The following STAT5A variants were observed in gnomAD, a reference collection of about 807,000 sequenced individuals.
STAT5A encodes signal transducer and activator of transcription 5A, also known as epididymis secretory sperm binding protein.
Under a neutral mutation model 100.2 loss-of-function variants are expected in STAT5A, and 26 were observed. That is an observed-to-expected ratio of 0.26 (90% CI 0.19 to 0.36). STAT5A has a LOEUF of 0.36. Among genes scored for constraint, STAT5A ranks in the 10% least tolerant of loss-of-function variants. The pLI, the probability that STAT5A is intolerant of heterozygous loss-of-function variation, is 1.00. For missense variants in STAT5A, 634 were observed against 1,027.5 expected, an observed-to-expected ratio of 0.62 and a Z score of 5.24; for synonymous variants, 330 against 424.3, an observed-to-expected ratio of 0.78 and a Z score of 2.73.
intron 12 of STAT5A, 106 bp from the exon 13 acceptor site, chr17:42,306,135 A>T (rs1338512437): frequency 6.4e-7 from 1 of 1,566,086 alleles, no homozygotes; most frequent in Non-Finnish European, 8.7e-7. Context: ...ACCTTTCTGG[A>T]TCTGTCTCAG....
chr17:42,293,366 G>A (rs542441786), intron 4 of STAT5A, among the ~76,000 whole-genome samples: 45 of 152,086 alleles, frequency 3.0e-4, no homozygotes, highest in Admixed American at 1.9e-3. Context: ...CACCATGCCC[G>A]GCTAATTTTT....
At chr17:42,301,520 C>T in intron 9 of STAT5A, 66 bp downstream of exon 9, 2 of 1,590,678 alleles carry the variant, frequency 1.3e-6, no homozygotes, top group African/African-American at 2.7e-5. Flanking sequence ...CCCGCTTTGT[C>T]CTTGCATCCA....
At chr17:42,295,523 T>G in intron 4 of STAT5A, 96 bp from the exon 5 acceptor site, 1 of 1,336,318 alleles carries the variant, frequency 7.5e-7, no homozygotes, top group Non-Finnish European at 1.0e-6. Flanking sequence ...AGTTTGGGGT[T>G]TGGGGTTTGG....
chr17:42,306,109 C>T, intron 12 of STAT5A, 132 bp from the exon 13 acceptor site: 1 of 1,487,100 alleles, frequency 6.7e-7, no homozygotes, highest in Non-Finnish European at 9.1e-7. Context: ...GCATTTCCTG[C>T]CCTTGCATTT....
intron 3 of STAT5A, among the ~76,000 whole-genome samples, chr17:42,291,141 T>C (rs989507304): frequency 1.3e-5 from 2 of 152,198 alleles, no homozygotes; most frequent in Non-Finnish European, 2.9e-5. Context: ...TAGATTCTCT[T>C]AAGAAGTGCA....
chr17:42,295,484 C>A lies in STAT5A; in HGVS notation c.376-135C>A, dbSNP rs1184839634. 3 of 880,408 alleles carry A rather than the reference C, an allele frequency of 3.4e-6. No individual in the cohort carries two copies. The East Asian group carries it at 8.0e-5, about 23-fold the overall frequency. 54.5% of individuals were successfully genotyped at this position (880,408 alleles called of 1,614,324 possible). A position where few individuals can be genotyped will look rare whatever the true frequency, so the allele number is the denominator to read the frequency against. On this transcript the variant is annotated intron_variant, in intron 4 of 18. Coordinates refer to ENST00000590949, the MANE Select transcript of STAT5A (RefSeq NM_001288718.2). ...CTCCTTCTGATGCAAATGATCCTTC[C>A]TTCTTGCCCTAGTTTCCCTTCTTAC...
chr17:42,306,035 C>G, intron 12 of STAT5A: 3 of 832,842 alleles, frequency 3.6e-6, no homozygotes, highest in Admixed American at 2.6e-5. Context: ...GCCCCCACCC[C>G]CTGCATCGGT....
chr17:42,306,106 C>T (rs576248264), intron 12 of STAT5A, 135 bp from the exon 13 acceptor site: 24 of 1,479,282 alleles, frequency 1.6e-5, no homozygotes, highest in African/African-American at 2.8e-5. Flanking sequence ...GCCGCATTTC[C>T]TGCCCTTGCA....
intron 4 of STAT5A, among the ~76,000 whole-genome samples, chr17:42,293,929 A>G (rs970460152): frequency 6.6e-6 from 1 of 152,170 alleles, no homozygotes; most frequent in African/African-American, 2.4e-5. Flanking sequence ...AAATAGATAG[A>G]GAGGGCCAGG....
rs2081086492 is a variant in STAT5A at position 42,311,838 on chromosome 17, T to C, written c.*1169T>C. The C allele has an allele frequency of 1.3e-5, 2 of 152,628 alleles. No individual in the cohort carries two copies. The highest frequency in any genetic ancestry group is 6.5e-5 in the Admixed American group (1 of 15,270). 9.5% of individuals were successfully genotyped at this position (152,628 alleles called of 1,614,324 possible). On this transcript the variant is annotated 3_prime_UTR_variant, in exon 19 of 19. Coordinates refer to ENST00000590949, the MANE Select transcript of STAT5A (RefSeq NM_001288718.2). ...AAGATTGAGAGCCCAAGGTTTAAACTTCTCTGAAGGGAGGTGGGGATGAGA... is the reference window on the plus strand; with the variant it reads ...AAGATTGAGAGCCCAAGGTTTAAACCTCTCTGAAGGGAGGTGGGGATGAGA...
chr17:42,291,899 G>C, intron 3 of STAT5A, 73 bp from the exon 4 acceptor site: 1 of 1,535,446 alleles, frequency 6.5e-7, no homozygotes, highest in Non-Finnish European at 8.9e-7. Flanking sequence ...GGAGAGGAAG[G>C]GCTGGGCATA....
rs2080836028 is a variant in STAT5A at position 42,288,602 on chromosome 17, GGTGACCCGGTGGC to G, written c.-11+6_-11+18del. Reference sequence around the variant, plus strand: ...CCGGACGGTGCGGCCCCACCAGGTGGGTGACCCGGTGGCGCGTCCTCGGCGGCGCGCCGAGAGG... The same window carrying G: ...CCGGACGGTGCGGCCCCACCAGGTGGGCGTCCTCGGCGGCGCGCCGAGAGG... On this transcript the variant is annotated splice_donor_5th_base_variant and intron_variant, in intron 1 of 18. Coordinates refer to ENST00000590949, the MANE Select transcript of STAT5A (RefSeq NM_001288718.2). The surrounding 1 kb of genome is among the most constrained non-coding windows in gnomAD (Gnocchi z 4.8). 6.6e-6 allele frequency: 1 copy of G among 152,130 alleles called. No homozygotes were observed. Among genetic ancestry groups the G allele is most frequent in the Non-Finnish European group, 1.5e-5 (1 of 67,984 alleles). 9.4% of individuals were successfully genotyped at this position (152,130 alleles called of 1,614,324 possible).
In STAT5A at chr17:42,295,642, G is replaced by T. The variant is rs773348551; in HGVS notation, c.399G>T (p.Leu133=). The change falls in exon 5 of 19, where the codon CTG becomes CTT. Residue 133 remains leucine (L), a synonymous_variant. Transcript: ENST00000590949. ...AGTGCAGCTCTCCGGCTGGGATCCT[G>T]GTTGACGCCATGTCCCAGAAGCACC... ...ANNCSSPAGI[L]VDAMSQKHLQ... is the part of the protein sequence containing the mutation. The T allele has an allele frequency of 3.7e-6, 6 of 1,613,642 alleles. No individual in the cohort carries two copies. The South Asian group carries it at 6.6e-5, about 18-fold the overall frequency.
intron 5 of STAT5A, among the ~76,000 whole-genome samples, 169 bp from the exon 6 acceptor site, chr17:42,299,582 C>T (rs1427031034): frequency 6.6e-6 from 1 of 152,216 alleles, no homozygotes; most frequent in Admixed American, 6.5e-5. Context: ...GAGGCGCCTC[C>T]TGAGGCGCCA....
chr17:42,295,540 T>C (rs2293158), intron 4 of STAT5A, 79 bp from the exon 5 acceptor site: 444,656 of 1,478,600 alleles, frequency 0.3, 68,694 homozygotes, highest in South Asian at 0.4. Context: ...TTGGGGTCTG[T>C]AGTATTGGTG....
intron 5 of STAT5A, among the ~76,000 whole-genome samples, chr17:42,298,159 A>G (rs1356128336): frequency 6.6e-6 from 1 of 151,392 alleles, no homozygotes; most frequent in Non-Finnish European, 1.5e-5. Context: ...TACGTATTTC[A>G]TAATGGATAC....
chr17:42,292,084 G>A (rs773248474), intron 4 of STAT5A, 23 bp downstream of exon 4: 1 of 1,612,812 alleles, frequency 6.2e-7, no homozygotes, highest in East Asian at 2.2e-5. Context: ...TGGGGATGGG[G>A]AGGAGTGTTG....
At position 42,310,778 on chromosome 17, in the gene STAT5A, TTGTGTGTGTGTG is replaced by T; in HGVS notation, c.*121_*132del. The T allele has an allele frequency of 7.0e-7, 1 of 1,426,056 alleles. No homozygotes were observed. The highest frequency in any genetic ancestry group is 9.4e-7 in the Non-Finnish European group (1 of 1,061,146). 88.3% of individuals were successfully genotyped at this position (1,426,056 alleles called of 1,614,324 possible). A position where few individuals can be genotyped will look rare whatever the true frequency, so the allele number is the denominator to read the frequency against. ...GACACCTTTGCAGGCATGCATGTGCTTGTGTGTGTGTGTGTGTGTGTGTCCTTGTGCATGAGC... is the reference window on the plus strand; with the variant it reads ...GACACCTTTGCAGGCATGCATGTGCTTGTGTGTGTGTCCTTGTGCATGAGC... On this transcript the variant is annotated 3_prime_UTR_variant, in exon 19 of 19. Coordinates refer to ENST00000590949, the MANE Select transcript of STAT5A (RefSeq NM_001288718.2).
intron 12 of STAT5A, 121 bp from the exon 13 acceptor site, chr17:42,306,120 G>A (rs1024578936): frequency 3.6e-5 from 55 of 1,529,790 alleles, no homozygotes; most frequent in Middle Eastern, 3.4e-4. Flanking sequence ...CCTTGCATTT[G>A]TGTCACCTTT....
Sources: gnomAD v4.1 joint callset for allele counts (sites outside exome capture counted in the v4.1 genomes callset) on GRCh38, gnomAD v4.1.1 for gene constraint, Gnocchi (gnomAD v3.1) non-coding constraint, MANE v1.5 for transcripts, NCBI Gene and HGNC (gene_info 2026-07-23, HGNC 2026-07-21) for gene names.